The following TRIM5 variants were observed in gnomAD, a reference collection of about 807,000 sequenced individuals.
TRIM5 encodes tripartite motif-containing protein 5.
TRIM5 carries 31 observed loss-of-function variants against 35.6 expected under a neutral mutation model. That is an observed-to-expected ratio of 0.87 (90% CI 0.65 to 1.18). The LOEUF (loss-of-function observed/expected upper bound fraction) is 1.18. Ranked by LOEUF, TRIM5 falls within the 50% of genes most tolerant of loss-of-function variation. The pLI, the probability that TRIM5 is intolerant of heterozygous loss-of-function variation, is 0.00. For synonymous variants in TRIM5, 243 were observed against 215.6 expected, an observed-to-expected ratio of 1.13 and a Z score of -1.11; for missense variants, 609 against 591.6, an observed-to-expected ratio of 1.03 and a Z score of -0.31.
intron 4 of TRIM5, among the ~76,000 whole-genome samples, chr11:5,674,965 T>A (rs912523784): frequency 6.6e-6 from 1 of 152,094 alleles, no homozygotes; most frequent in Admixed American, 6.5e-5. Context: ...CTTCAAGAGA[T>A]CTATTGCAGA....
chr11:5,653,129 G>A, the TRIM5 span, among the ~76,000 whole-genome samples: 3,325 of 152,266 alleles, frequency 0.022, 120 homozygotes, highest in African/African-American at 0.076. Flanking sequence ...TGGGATTACA[G>A]GCATGAGCCA....
At chr11:5,683,506 T>G (rs7126643) in intron 1 of TRIM5, among the ~76,000 whole-genome samples, 79,656 of 150,822 alleles carry the variant, frequency 0.53, 21,120 homozygotes, top group Non-Finnish European at 0.53. Context: ...GGTGGGGACT[T>G]GGAGAAACTT....
chr11:5,657,046 G>C, the TRIM5 span, among the ~76,000 whole-genome samples: 1 of 152,146 alleles, frequency 6.6e-6, no homozygotes, highest in Non-Finnish European at 1.5e-5. Context: ...CAATAGCAAA[G>C]ATTTGGAACC....
chr11:5,661,700 C>T (rs1041951948), downstream of TRIM5, among the ~76,000 whole-genome samples: 5 of 152,146 alleles, frequency 3.3e-5, no homozygotes, highest in Non-Finnish European at 4.4e-5. Context: ...CCACAGTTGA[C>T]GTCCATTAGC....
In TRIM5 at chr11:5,680,144, C is replaced by T. The variant is rs1433524114; in HGVS notation, c.34G>A (p.Glu12Lys). 3 of 1,612,774 alleles carry T rather than the reference C, an allele frequency of 1.9e-6. No homozygotes were observed. Among genetic ancestry groups the T allele is most frequent in the South Asian group, 2.2e-5 (2 of 90,862 alleles). Residue 12 changes from glutamate to lysine, a missense_variant, in exon 2 of 8, where the codon GAG becomes AAG. Physicochemically the swap from Glu to Lys is moderately conservative, Grantham distance 56 (BLOSUM62 1). Transcript: ENST00000380034. ...TCCAGGCAGATGGGGCAGGTCACCT[C>T]CTCCTTTACATTAACCAGGATTCCA... Reference protein sequence around the residue: ...ASGILVNVKEEVTCPICLELL... With the variant: ...ASGILVNVKEKVTCPICLELL...
Position 5,664,965 on chromosome 11 carries a change from T to G in TRIM5, c.1326A>C (p.Leu442=), listed in dbSNP as rs757404836. 6.2e-7 allele frequency: 1 copy of G among 1,614,024 alleles called. No individual in the cohort carries two copies. The highest frequency in any genetic ancestry group is 1.1e-5 in the South Asian group (1 of 91,066). ...ATGAGACAGTGCAAGCCTCATAGTC[T>G]AGGAAAACTCCAACACGATCAGGAC... The part of the protein sequence containing the change: ...IICPDRVGVF[L]DYEACTVSFF... The change falls in exon 8 of 8, where the codon CTA becomes CTC. Residue 442 remains leucine (L), a synonymous_variant. Transcript: ENST00000380034.
the TRIM5 span, chr11:5,610,290 G>T: frequency 6.2e-7 from 1 of 1,612,790 alleles, no homozygotes; most frequent in Non-Finnish European, 8.5e-7. Flanking sequence ...AATTACTGTC[G>T]TGGGAAGAAA....
chr11:5,644,585 A>C, the TRIM5 span, among the ~76,000 whole-genome samples: 1 of 152,058 alleles, frequency 6.6e-6, no homozygotes, highest in South Asian at 2.1e-4. Flanking sequence ...TATTGTACAT[A>C]TTTAAGATAT....
chr11:5,620,079 GC>G, the TRIM5 span: 7 of 151,372 alleles, frequency 4.6e-5, no homozygotes, highest in African/African-American at 1.5e-4. Flanking sequence ...TTTTGGGGTG[GC>G]AGTTTTTTTC....
chr11:5,605,638 A>G, the TRIM5 span: 4 of 1,494,102 alleles, frequency 2.7e-6, no homozygotes, highest in Non-Finnish European at 3.6e-6. Context: ...CCTTTCTGGG[A>G]CATCAGACTA....
chr11:5,623,534 A>AT, the TRIM5 span, among the ~76,000 whole-genome samples: 6,764 of 126,582 alleles, frequency 0.053, 558 homozygotes, highest in African/African-American at 0.17. Flanking sequence ...TGCCCGGCTA[A>AT]TTTTTTTTTT....
the TRIM5 span, among the ~76,000 whole-genome samples, chr11:5,607,509 G>T: frequency 6.6e-6 from 1 of 152,066 alleles, no homozygotes; most frequent in African/African-American, 2.4e-5. Context: ...TTTTCTTCGG[G>T]GTCATTGAGA....
the TRIM5 span, among the ~76,000 whole-genome samples, chr11:5,618,682 C>G: frequency 6.6e-6 from 1 of 152,168 alleles, no homozygotes; most frequent in Non-Finnish European, 1.5e-5. Flanking sequence ...ATTGATTAAT[C>G]TACTATAAAA....
the TRIM5 span, among the ~76,000 whole-genome samples, chr11:5,600,071 C>T: frequency 1.7e-4 from 26 of 152,140 alleles, no homozygotes; most frequent in Admixed American, 6.5e-4. Context: ...TAGGTAAATA[C>T]GTCTGTAACA....
At chr11:5,615,020 TTTC>T in the TRIM5 span, among the ~76,000 whole-genome samples, 3 of 152,226 alleles carry the variant, frequency 2.0e-5, no homozygotes, top group Non-Finnish European at 4.4e-5. Context: ...TCCCTTTTGA[TTTC>T]TTCTTTGACC....
chr11:5,653,023 T>A, the TRIM5 span, among the ~76,000 whole-genome samples: 1 of 152,058 alleles, frequency 6.6e-6, no homozygotes, highest in Non-Finnish European at 1.5e-5. Context: ...CGGCTAATTT[T>A]TTGTATTTTT....
At chr11:5,652,996 G>A in the TRIM5 span, among the ~76,000 whole-genome samples, 4 of 152,108 alleles carry the variant, frequency 2.6e-5, no homozygotes, top group East Asian at 5.8e-4. Context: ...GGGACTACAG[G>A]TGCCCACCAG....
At chr11:5,649,365 G>T in the TRIM5 span, among the ~76,000 whole-genome samples, 1 of 152,152 alleles carries the variant, frequency 6.6e-6, no homozygotes, top group South Asian at 2.1e-4. Flanking sequence ...TTCTGAAGGG[G>T]CTTGGCCATT....
the TRIM5 span, among the ~76,000 whole-genome samples, chr11:5,649,693 G>A: frequency 6.6e-6 from 1 of 152,178 alleles, no homozygotes. Flanking sequence ...CGCTAAGGCA[G>A]CAGAGCGTAA....
Sources: gnomAD v4.1 joint callset for allele counts (sites outside exome capture counted in the v4.1 genomes callset) on GRCh38, gnomAD v4.1.1 for gene constraint, MANE v1.5 for transcripts, NCBI Gene and HGNC (gene_info 2026-07-23, HGNC 2026-07-21) for gene names.